Variants in MAML3 observed in about 807,000 individuals in gnomAD.
MAML3 encodes mastermind like transcriptional coactivator 3.
A neutral mutation model predicts 101.9 loss-of-function variants in MAML3; 27 were observed. The observed-to-expected ratio is 0.27, with a 90% CI of 0.20 to 0.37. The LOEUF (loss-of-function observed/expected upper bound fraction) is 0.37. Among genes scored for constraint, MAML3 ranks in the 10% least tolerant of loss-of-function variants. MAML3 has a pLI of 1.00. For missense variants in MAML3, 1,316 were observed against 1,444.9 expected (o/e 0.91, Z 1.45); for synonymous variants, 501 against 555.9 (o/e 0.90, Z 1.39).
At chr4:139,820,355 AG>A (rs1730954965) in intron 2 of MAML3, among the ~76,000 whole-genome samples, 1 of 152,268 alleles carries the variant, frequency 6.6e-6, no homozygotes, top group Non-Finnish European at 1.5e-5. Flanking sequence ...AGTATTTAAT[AG>A]TTTCAAGGCT....
chr4:139,738,812 T>C (rs994574584), intron 2 of MAML3, among the ~76,000 whole-genome samples: 1 of 152,198 alleles, frequency 6.6e-6, no homozygotes, highest in African/African-American at 2.4e-5. Context: ...TGTTAATATT[T>C]TGATGTGTTT....
intron 1 of MAML3, among the ~76,000 whole-genome samples, chr4:139,933,508 C>T (rs1359035162): frequency 1.3e-5 from 2 of 152,166 alleles, no homozygotes; most frequent in Non-Finnish European, 2.9e-5. Context: ...TTCTCATGCA[C>T]GTGAATTTGC....
At chr4:139,796,666 C>T (rs1730514544) in intron 2 of MAML3, among the ~76,000 whole-genome samples, 1 of 152,164 alleles carries the variant, frequency 6.6e-6, no homozygotes, top group South Asian at 2.1e-4. Context: ...TTAGCTTGCC[C>T]TACCAGAACC....
chr4:140,072,042 A>AGGTAC (rs1727665778), intron 1 of MAML3, among the ~76,000 whole-genome samples: 1 of 152,136 alleles, frequency 6.6e-6, no homozygotes, highest in African/African-American at 2.4e-5. Context: ...GTACCTCAAC[A>AGGTAC]TTGGTTTGTC....
At chr4:140,091,803 G>A (rs550775765) in intron 1 of MAML3, among the ~76,000 whole-genome samples, 32 of 151,864 alleles carry the variant, frequency 2.1e-4, no homozygotes, top group African/African-American at 5.3e-4. Context: ...ATGGCCTTTC[G>A]AAGAAAGCAG....
At chr4:139,981,976 C>T (rs10034319) in intron 1 of MAML3, among the ~76,000 whole-genome samples, 3,698 of 152,266 alleles carry the variant, frequency 0.024, 150 homozygotes, top group African/African-American at 0.083. Context: ...CCATTTTCCT[C>T]ATTGTAAAGT....
chr4:140,146,842 T>A, intron 1 of MAML3, among the ~76,000 whole-genome samples: 1 of 151,916 alleles, frequency 6.6e-6, no homozygotes, highest in East Asian at 1.9e-4. Flanking sequence ...CTATACTGAT[T>A]TTTAAAAATC....
intron 2 of MAML3, among the ~76,000 whole-genome samples, chr4:139,789,606 T>C (rs1029295107): frequency 6.6e-6 from 1 of 152,066 alleles, no homozygotes; most frequent in Admixed American, 6.5e-5. Flanking sequence ...TTGAATGTCA[T>C]GTAAGCAGTT....
chr4:140,147,027 G>A (rs1729075712), intron 1 of MAML3, among the ~76,000 whole-genome samples: 1 of 151,340 alleles, frequency 6.6e-6, no homozygotes, highest in Non-Finnish European at 1.5e-5. Flanking sequence ...CAGCTACTCG[G>A]GAGGCTGAGG....
At chr4:140,043,772 T>A (rs1727130654) in intron 1 of MAML3, among the ~76,000 whole-genome samples, 1 of 152,190 alleles carries the variant, frequency 6.6e-6, no homozygotes, top group East Asian at 1.9e-4. Context: ...AATAGTCTAT[T>A]GTGACAGAAA....
At chr4:139,959,904 A>G (rs1733980982) in intron 1 of MAML3, among the ~76,000 whole-genome samples, 1 of 152,228 alleles carries the variant, frequency 6.6e-6, no homozygotes, top group Non-Finnish European at 1.5e-5. Flanking sequence ...GGAGATAACA[A>G]TGAATTCATT....
chr4:140,134,333 G>A (rs1052327437), intron 1 of MAML3: 8 of 456,594 alleles, frequency 1.8e-5, no homozygotes, highest in African/African-American at 6.0e-5. Context: ...CAAGTCAAGC[G>A]AGGCAAGTCA....
intron 2 of MAML3, among the ~76,000 whole-genome samples, chr4:139,858,452 CTTTTTTTT>C (rs59968954): frequency 5.3e-5 from 7 of 131,380 alleles, no homozygotes; most frequent in Admixed American, 1.5e-4. Context: ...TGATTCTTGG[CTTTTTTTT>C]TTTTTTTTTT....
chr4:140,092,970 T>C (rs1027604302), intron 1 of MAML3, among the ~76,000 whole-genome samples: 1 of 152,102 alleles, frequency 6.6e-6, no homozygotes, highest in African/African-American at 2.4e-5. Flanking sequence ...AAGAGACAAG[T>C]AGAGGAAGTG....
chr4:140,149,031 G>A (rs1158540696), intron 1 of MAML3, among the ~76,000 whole-genome samples: 1 of 152,150 alleles, frequency 6.6e-6, no homozygotes, highest in Non-Finnish European at 1.5e-5. Context: ...GCTTTTTGAT[G>A]TGCCTGCTCA....
At chr4:139,900,602 C>T (rs28703180) in intron 1 of MAML3, among the ~76,000 whole-genome samples, 2,260 of 151,738 alleles carry the variant, frequency 0.015, 42 homozygotes, top group African/African-American at 0.051. Context: ...TCTCTGTATC[C>T]GAAGTTATAA....
chr4:139,759,451 C>G (rs569269720), intron 2 of MAML3, among the ~76,000 whole-genome samples: 6 of 152,358 alleles, frequency 3.9e-5, no homozygotes, highest in African/African-American at 1.4e-4. Flanking sequence ...CGGCCTGACT[C>G]CTCACCTTGA....
intron 1 of MAML3, among the ~76,000 whole-genome samples, chr4:140,109,087 C>T (rs1728399372): frequency 6.6e-6 from 1 of 152,138 alleles, no homozygotes; most frequent in South Asian, 2.1e-4. Flanking sequence ...ACAAGTTACA[C>T]TTATTGTCTC....
intron 1 of MAML3, among the ~76,000 whole-genome samples, chr4:140,012,761 T>C (rs1376284413): frequency 1.3e-5 from 2 of 152,220 alleles, no homozygotes; most frequent in East Asian, 1.9e-4. Context: ...ATCCTGAGTC[T>C]AATTATGCAG....
Sources: gnomAD v4.1 joint callset for allele counts (sites outside exome capture counted in the v4.1 genomes callset) on GRCh38, gnomAD v4.1.1 for gene constraint, MANE v1.5 for transcripts, NCBI Gene and HGNC (gene_info 2026-07-23, HGNC 2026-07-21) for gene names.